The following ADCY1 variants were observed in gnomAD, a reference collection of about 807,000 sequenced individuals.
ADCY1 encodes adenylate cyclase type 1.
In ADCY1, 28 loss-of-function variants were observed where a neutral mutation model predicts 105.4. The observed-to-expected ratio is 0.27, with a 90% CI of 0.20 to 0.36. The LOEUF (loss-of-function observed/expected upper bound fraction) is 0.36. Ranked by LOEUF, ADCY1 falls within the 10% of genes least tolerant of loss-of-function variation. ADCY1 has a pLI of 1.00. For synonymous variants in ADCY1, 655 were observed against 623.8 expected (o/e 1.05, Z -0.75); for missense variants, 977 against 1,434.2 (o/e 0.68, Z 5.15).
intron 8 of ADCY1, among the ~76,000 whole-genome samples, chr7:45,672,769 T>C (rs192862018): frequency 2.6e-5 from 4 of 152,334 alleles, no homozygotes; most frequent in Admixed American, 2.6e-4. Context: ...GAGACAATTT[T>C]CTTTCTTTCC....
At chr7:45,589,334 G>A (rs528661059) in intron 1 of ADCY1, among the ~76,000 whole-genome samples, 1 of 152,288 alleles carries the variant, frequency 6.6e-6, no homozygotes, top group East Asian at 1.9e-4. Flanking sequence ...CCCGGGCCGG[G>A]CCGGGGTTGG....
At chr7:45,590,525 C>T (rs905118712) in intron 1 of ADCY1, among the ~76,000 whole-genome samples, 9 of 152,124 alleles carry the variant, frequency 5.9e-5, no homozygotes, top group Admixed American at 2.0e-4. Flanking sequence ...CCTTTCCAGA[C>T]ATCCATGGTG....
At chr7:45,704,140 A>G (rs562249892) in intron 16 of ADCY1, among the ~76,000 whole-genome samples, 26 of 149,860 alleles carry the variant, frequency 1.7e-4, no homozygotes, top group African/African-American at 6.2e-4. Flanking sequence ...GCAGGTGGGC[A>G]CCTCCAGGCC....
At chr7:45,579,314 C>T (rs1253919129) in intron 1 of ADCY1, among the ~76,000 whole-genome samples, 1 of 152,162 alleles carries the variant, frequency 6.6e-6, no homozygotes, top group East Asian at 1.9e-4. Flanking sequence ...TGCCCTGCCT[C>T]CCTTTCCCCA....
chr7:45,635,612 T>G (rs937787017), intron 4 of ADCY1, among the ~76,000 whole-genome samples: 5 of 138,934 alleles, frequency 3.6e-5, no homozygotes, highest in African/African-American at 5.1e-5. Flanking sequence ...TTTTTTTTTT[T>G]TTTTTTTTTT....
intron 17 of ADCY1, among the ~76,000 whole-genome samples, chr7:45,707,939 C>T (rs1479071393): frequency 2.0e-5 from 3 of 152,176 alleles, no homozygotes; most frequent in Non-Finnish European, 4.4e-5. Context: ...AGAGAAAGGA[C>T]CTTGTCACAC....
intron 3 of ADCY1, among the ~76,000 whole-genome samples, chr7:45,611,162 G>C (rs553321509): frequency 2.6e-4 from 39 of 151,450 alleles, no homozygotes; most frequent in Middle Eastern, 3.4e-3. Context: ...AGAGGTGATG[G>C]AGGAGGTGAG....
In ADCY1 at chr7:45,717,418, CTG is replaced by C. The variant is rs1785379734; in HGVS notation, c.*3425_*3426del. On this transcript the variant is annotated 3_prime_UTR_variant, in exon 20 of 20. Coordinates refer to ENST00000297323, the MANE Select transcript of ADCY1 (RefSeq NM_021116.4). ...AACTTCCTTTTTATTTGTGGGAAAA[CTG>C]TATTATATTGCCTTATTTATTTTTA... 1 of 152,624 alleles carries C rather than the reference CTG, an allele frequency of 6.6e-6. No homozygotes were observed. The allele number at this position is 152,624 out of a possible 1,614,324, so 9.5% of individuals were successfully genotyped here.
intron 5 of ADCY1, among the ~76,000 whole-genome samples, chr7:45,654,659 T>A (rs754826233): frequency 6.6e-6 from 1 of 152,210 alleles, no homozygotes; most frequent in Non-Finnish European, 1.5e-5. Flanking sequence ...CTTGGAGGAT[T>A]ACTTCGTCTA....
intron 4 of ADCY1, among the ~76,000 whole-genome samples, chr7:45,643,113 C>CTTT (rs528070607): frequency 0.019 from 2,035 of 109,080 alleles, 38 homozygotes; most frequent in African/African-American, 0.053. Flanking sequence ...TGTTTTCTGT[C>CTTT]TTTTTTTTTT....
rs1792259601 is a variant in ADCY1 at position 45,574,533 on chromosome 7, A to G, written c.-11A>G. 1.0e-6 allele frequency: 1 copy of G among 968,366 alleles called. No individual in the cohort carries two copies. Among genetic ancestry groups the G allele is most frequent in the Non-Finnish European group, 1.2e-6 (1 of 822,698 alleles). 60.0% of individuals were successfully genotyped at this position (968,366 alleles called of 1,614,324 possible). ...GCGCGCCCGCGGCCGCGGCCGCTGC[A>G]TGGCGCTGAGATGGCGGGGGCGCCG... On this transcript the variant is annotated 5_prime_UTR_variant, in exon 1 of 20. The change abolishes an upstream ATG in the 5' untranslated region. Coordinates refer to ENST00000297323, the MANE Select transcript of ADCY1 (RefSeq NM_021116.4). The surrounding 1 kb of genome is among the most constrained non-coding windows in gnomAD (Gnocchi z 7.0).
intron 1 of ADCY1, among the ~76,000 whole-genome samples, chr7:45,589,358 G>C (rs1562675761): frequency 1.3e-5 from 2 of 152,316 alleles, no homozygotes; most frequent in East Asian, 3.9e-4. Flanking sequence ...TCCTGCTCCA[G>C]GAGTGGCCAG....
At chr7:45,656,403 A>C (rs1479200356) in intron 5 of ADCY1, among the ~76,000 whole-genome samples, 2 of 152,170 alleles carry the variant, frequency 1.3e-5, no homozygotes, top group Non-Finnish European at 2.9e-5. Flanking sequence ...TGGCATGCAT[A>C]CTTCTGAGTT....
At chr7:45,585,474 G>A (rs914065464) in intron 1 of ADCY1, among the ~76,000 whole-genome samples, 8 of 133,756 alleles carry the variant, frequency 6.0e-5, no homozygotes, top group South Asian at 4.6e-4. Context: ...ATGAAGTTTC[G>A]CTCTTGTTAC....
chr7:45,630,180 A>G (rs1380379371), intron 4 of ADCY1, among the ~76,000 whole-genome samples: 1 of 152,190 alleles, frequency 6.6e-6, no homozygotes, highest in Non-Finnish European at 1.5e-5. Context: ...TAAGTCCTCC[A>G]TCAAATATAT....
intron 4 of ADCY1, among the ~76,000 whole-genome samples, chr7:45,638,571 C>G (rs571656948): frequency 6.9e-6 from 1 of 145,048 alleles, no homozygotes; most frequent in South Asian, 2.2e-4. Flanking sequence ...TTACTCTAAT[C>G]TGCCTGAGTC....
Position 45,708,679 on chromosome 7 carries a change from G to T in ADCY1, c.2932+215G>T, listed in dbSNP as rs1356727106. On this transcript the variant is annotated intron_variant, in intron 18 of 19. Coordinates refer to ENST00000297323, the MANE Select transcript of ADCY1 (RefSeq NM_021116.4). This position sits in a 1 kb window ranked among gnomAD's most constrained non-coding sequence, Gnocchi z 4.7. ...GTGACTTAGACTTTGAAGATTCATT[G>T]TCTAGCTCAGGAAACACATTAGAAA... Among the ~76,000 whole-genome samples the T allele has an allele frequency of 6.6e-6, 1 of 152,252 alleles. No homozygotes were observed. Among genetic ancestry groups the T allele is most frequent in the Non-Finnish European group, 1.5e-5 (1 of 68,052 alleles).
intron 3 of ADCY1, among the ~76,000 whole-genome samples, chr7:45,619,173 C>G (rs536147205): frequency 6.6e-6 from 1 of 151,988 alleles, no homozygotes; most frequent in African/African-American, 2.4e-5. Context: ...ATCTCTTAGA[C>G]GTAGGCAGTG....
At chr7:45,700,544 T>C (rs534636862) in intron 14 of ADCY1, among the ~76,000 whole-genome samples, 187 of 152,268 alleles carry the variant, frequency 1.2e-3, no homozygotes, top group Non-Finnish European at 2.0e-3. Flanking sequence ...GAGGGGTGTG[T>C]GCACCTCAGG....
Sources: allele counts gnomAD v4.1 joint callset (sites outside exome capture counted in the v4.1 genomes callset), GRCh38; gene constraint gnomAD v4.1.1; non-coding constraint Gnocchi (gnomAD v3.1); transcripts MANE v1.5; gene names NCBI Gene and HGNC (gene_info 2026-07-23, HGNC 2026-07-21).